The following SOX6 variants were observed in gnomAD, a reference collection of about 807,000 sequenced individuals.
SOX6 encodes SRY-box transcription factor 6.
In SOX6, 11 loss-of-function variants were observed where a neutral mutation model predicts 97.8. That is an observed-to-expected ratio of 0.11 (90% CI 0.07 to 0.19). SOX6 has a LOEUF of 0.19. Among genes scored for constraint, SOX6 ranks in the 10% least tolerant of loss-of-function variants. SOX6 has a pLI of 1.00. For synonymous variants in SOX6, 360 were observed against 371.4 expected, an observed-to-expected ratio of 0.97 and a Z score of 0.35; for missense variants, 810 against 1,039.5, an observed-to-expected ratio of 0.78 and a Z score of 3.04.
At chr11:15,976,866 C>G in intron 15 of SOX6, among the ~76,000 whole-genome samples, 1 of 152,066 alleles carries the variant, frequency 6.6e-6, no homozygotes, top group Non-Finnish European at 1.5e-5. Context: ...TCCTTACTGA[C>G]TCACCTTCTT....
At chr11:16,548,166 G>A (rs181079237) in intron 4 of SOX6, among the ~76,000 whole-genome samples, 17 of 152,132 alleles carry the variant, frequency 1.1e-4, no homozygotes, top group African/African-American at 3.4e-4. Flanking sequence ...TTTAGAATCC[G>A]TTTAGGCAAA....
At chr11:16,209,935 A>G (rs1057017057) in intron 4 of SOX6, among the ~76,000 whole-genome samples, 6 of 152,288 alleles carry the variant, frequency 3.9e-5, no homozygotes, top group Middle Eastern at 3.4e-3. Flanking sequence ...CCATATATAA[A>G]AATAAGATTT....
intron 7 of SOX6, among the ~76,000 whole-genome samples, chr11:16,108,344 A>G (rs1849147855): frequency 1.3e-5 from 2 of 152,124 alleles, no homozygotes; most frequent in Non-Finnish European, 2.9e-5. Flanking sequence ...CCAACTACAT[A>G]AAGCAATGGG....
chr11:16,596,552 TCA>T (rs1316986734), intron 4 of SOX6, among the ~76,000 whole-genome samples: 1 of 152,194 alleles, frequency 6.6e-6, no homozygotes, highest in Non-Finnish European at 1.5e-5. Flanking sequence ...ATCCTTTAAA[TCA>T]CAGATCAAAG....
chr11:16,218,802 T>A, intron 4 of SOX6, among the ~76,000 whole-genome samples: 1 of 152,108 alleles, frequency 6.6e-6, no homozygotes, highest in East Asian at 1.9e-4. Flanking sequence ...CCGAACAAAA[T>A]GGATGTGGAG....
chr11:16,522,846 C>A lies in SOX6; in HGVS notation n.610-46458G>T, dbSNP rs893593001. Among the ~76,000 whole-genome samples the A allele has an allele frequency of 9.9e-5, 15 of 152,142 alleles. No individual in the cohort carries two copies. The East Asian group carries it at 1.2e-3, about 12-fold the overall frequency. On this transcript the variant is annotated intron_variant and non_coding_transcript_variant, in intron 4 of 5. Transcript: ENST00000524520. ...GGTTGCAATCCTAGTCTCTGATAAA[C>A]CAGACTTTAAACCAACAAAGATCAA...
intron 3 of SOX6, among the ~76,000 whole-genome samples, chr11:16,671,668 TA>T (rs1017102567): frequency 3.3e-5 from 5 of 152,176 alleles, no homozygotes. Flanking sequence ...CCAAATCTAC[TA>T]ATCGTTGGCA....
intron 6 of SOX6, among the ~76,000 whole-genome samples, chr11:16,160,202 T>C (rs1027193119): frequency 3.9e-5 from 6 of 152,020 alleles, no homozygotes; most frequent in African/African-American, 1.2e-4. Flanking sequence ...GAGGAAGAAA[T>C]TGAACTATAG....
chr11:16,189,663 T>C (rs1851577938), intron 4 of SOX6, among the ~76,000 whole-genome samples: 1 of 149,212 alleles, frequency 6.7e-6, no homozygotes, highest in Non-Finnish European at 1.5e-5. Flanking sequence ...ATGAGTGATA[T>C]GGTCATTTTG....
At chr11:16,547,103 C>A (rs1022061012) in intron 4 of SOX6, among the ~76,000 whole-genome samples, 1 of 151,902 alleles carries the variant, frequency 6.6e-6, no homozygotes, top group African/African-American at 2.4e-5. Context: ...ACTAAAAAGA[C>A]AAAAAATAAC....
chr11:15,989,170 C>G lies in SOX6; in HGVS notation c.1793G>C (p.Gly598Ala), dbSNP rs1301007241. Residue 598 changes from glycine (G) to alanine (A), a missense_variant, in exon 14 of 16, where the codon GGA becomes GCA. This residue lies in a region of SOX6 where 120 missense variants were observed against 127.0 expected (regional missense o/e 0.94). Transcript: ENST00000683767. ...KLQQYYCWPT[G>A]GATVAEARVY... is the part of the protein sequence containing the mutation. ...TCGTGCTTCAGCCACAGTGGCACCT[C>G]CTGTTGGCCAACAATAATACTGCTG... 1.9e-6 allele frequency: 3 copies of G among 1,613,982 alleles called. No individual in the cohort carries two copies.
chr11:16,322,798 T>C (rs1180827980), intron 2 of SOX6, among the ~76,000 whole-genome samples: 1 of 152,168 alleles, frequency 6.6e-6, no homozygotes, highest in African/African-American at 2.4e-5. Flanking sequence ...TACTGCTCCC[T>C]AAAGAACAAT....
intron 4 of SOX6, among the ~76,000 whole-genome samples, chr11:16,578,020 A>G (rs1472829130): frequency 6.6e-6 from 1 of 152,048 alleles, no homozygotes; most frequent in Non-Finnish European, 1.5e-5. Flanking sequence ...ATGTATTCCT[A>G]TGTTTTCTTC....
At position 16,191,872 on chromosome 11, in the gene SOX6, C is replaced by CT. The variant is rs1206073310; in HGVS notation, c.536-4918dup. ...TTTTTTCTTTTTTTTCTTTTTTTTTCTTTTTTTTTGTTCCATGGGGTCGTC... is the reference window on the plus strand; with the variant it reads ...TTTTTTCTTTTTTTTCTTTTTTTTTCTTTTTTTTTTGTTCCATGGGGTCGTC... On this transcript the variant is annotated intron_variant, in intron 4 of 15. Coordinates refer to ENST00000683767, the MANE Select transcript of SOX6 (RefSeq NM_001367873.1). 1.0e-3 allele frequency among the ~76,000 whole-genome samples: 129 copies of CT among 128,492 alleles called. 1 individual carries two copies. Among genetic ancestry groups the CT allele is most frequent in the East Asian group, 3.6e-3 (17 of 4,782 alleles). The allele number at this position is 128,492 out of a possible 152,430, so 84.3% of individuals were successfully genotyped here.
At chr11:16,081,318 C>T (rs949655702) in intron 9 of SOX6, among the ~76,000 whole-genome samples, 19 of 152,032 alleles carry the variant, frequency 1.2e-4, no homozygotes, top group African/African-American at 4.6e-4. Context: ...TGCACCACTT[C>T]TCTGGAAAAG....
intron 3 of SOX6, among the ~76,000 whole-genome samples, chr11:16,631,402 G>C (rs1312705832): frequency 6.6e-6 from 1 of 152,176 alleles, no homozygotes; most frequent in African/African-American, 2.4e-5. Context: ...TAAGAATGCT[G>C]AAAATAGGCC....
At position 16,046,660 on chromosome 11, in the gene SOX6, G is replaced by T; in HGVS notation, c.1477C>A (p.Gln493Lys). 6.2e-7 allele frequency: 1 copy of T among 1,613,648 alleles called. No individual in the cohort carries two copies. The highest frequency in any genetic ancestry group is 8.5e-7 in the Non-Finnish European group (1 of 1,179,762). The change falls in exon 12 of 16, where the codon CAG (glutamine) becomes AAG (lysine). Residue 493 changes from glutamine (Q) to lysine (K), a missense_variant. Gln to Lys is a moderately conservative substitution (Grantham distance 53). Transcript: ENST00000683767. The stretch of plus-strand genomic sequence containing the variant: ...TGAATGGCTTTCATCACTGTATCCT[G>T]ATCCCCAAAAAGGGCAGGGGAGTTG... Reference protein sequence around the residue: ...SLNSPALFGDQDTVMKAIQEA... With the variant: ...SLNSPALFGDKDTVMKAIQEA...
chr11:16,684,567 C>CCAGG (rs1409244543), intron 3 of SOX6, among the ~76,000 whole-genome samples: 4 of 148,988 alleles, frequency 2.7e-5, no homozygotes, highest in African/African-American at 1.0e-4. Context: ...ACATCACATA[C>CCAGG]CAGGGCCTAT....
intron 2 of SOX6, among the ~76,000 whole-genome samples, chr11:16,734,367 T>C (rs1009533632): frequency 1.9e-4 from 29 of 152,328 alleles, no homozygotes; most frequent in African/African-American, 6.7e-4. Flanking sequence ...CTTCATCTCA[T>C]AGTCCACCAC....
Sources: gnomAD v4.1 joint callset for allele counts (sites outside exome capture counted in the v4.1 genomes callset) on GRCh38, gnomAD v4.1.1 for gene constraint, gnomAD v4.1.1 regional missense constraint, MANE v1.5 for transcripts, NCBI Gene and HGNC (gene_info 2026-07-23, HGNC 2026-07-21) for gene names.